The following GRM1 variants were observed in gnomAD, a reference collection of about 807,000 sequenced individuals.
GRM1 encodes metabotropic glutamate receptor 1.
A neutral mutation model predicts 90.9 loss-of-function variants in GRM1; 33 were observed. The observed-to-expected ratio is 0.36, with a 90% CI of 0.28 to 0.49. The LOEUF (loss-of-function observed/expected upper bound fraction) is 0.49, where lower values mean the gene tolerates loss of function less well. Among genes scored for constraint, GRM1 ranks in the 20% least tolerant of loss-of-function variants. The pLI is 0.99. For synonymous variants in GRM1, 700 were observed against 613.2 expected, an observed-to-expected ratio of 1.14 and a Z score of -2.09; for missense variants, 1,190 against 1,534.3, an observed-to-expected ratio of 0.78 and a Z score of 3.75.
intron 2 of GRM1, among the ~76,000 whole-genome samples, chr6:146,188,950 A>G (rs564861344): frequency 6.6e-6 from 1 of 152,320 alleles, no homozygotes; most frequent in East Asian, 1.9e-4. Flanking sequence ...TGTTGAAAAC[A>G]TAGTCTATGC....
intron 2 of GRM1, among the ~76,000 whole-genome samples, chr6:146,199,033 A>G (rs1779214140): frequency 6.6e-6 from 1 of 152,140 alleles, no homozygotes; most frequent in Admixed American, 6.5e-5. Flanking sequence ...TCGGGGCCCT[A>G]TTATCCTCAT....
chr6:146,155,504 G>A (rs1406955777), intron 1 of GRM1, among the ~76,000 whole-genome samples: 1 of 152,150 alleles, frequency 6.6e-6, no homozygotes, highest in Non-Finnish European at 1.5e-5. Flanking sequence ...ACATATCCCT[G>A]TGGTAAAGTG....
intron 2 of GRM1, among the ~76,000 whole-genome samples, chr6:146,235,964 T>G (rs1780633611): frequency 6.6e-6 from 1 of 152,142 alleles, no homozygotes; most frequent in Non-Finnish European, 1.5e-5. Context: ...TGCCTTATAC[T>G]TTTTGTTGAA....
At chr6:146,060,626 A>G (rs558613082) in intron 1 of GRM1, among the ~76,000 whole-genome samples, 3 of 152,304 alleles carry the variant, frequency 2.0e-5, no homozygotes, top group South Asian at 4.1e-4. Context: ...TATATGTAAC[A>G]CATTGTCTTT....
intron 3 of GRM1, among the ~76,000 whole-genome samples, chr6:146,346,816 A>G (rs943850187): frequency 6.6e-6 from 1 of 152,234 alleles, no homozygotes. Context: ...TTGAGATTGT[A>G]TCAAATTAGG....
chr6:146,139,076 A>G (rs1255218360), intron 1 of GRM1, among the ~76,000 whole-genome samples: 2 of 151,766 alleles, frequency 1.3e-5, no homozygotes, highest in Admixed American at 6.6e-5. Context: ...TAATTTCTTT[A>G]TTGACCCACC....
chr6:146,320,276 G>A (rs1039878506), intron 3 of GRM1, among the ~76,000 whole-genome samples: 7 of 152,278 alleles, frequency 4.6e-5, no homozygotes, highest in African/African-American at 9.6e-5. Flanking sequence ...TTATTGATTT[G>A]TGTATGTTGA....
chr6:146,335,025 T>C (rs906334082), intron 3 of GRM1, among the ~76,000 whole-genome samples: 1 of 152,214 alleles, frequency 6.6e-6, no homozygotes, highest in African/African-American at 2.4e-5. Flanking sequence ...TATGGGGGTT[T>C]TGCTTTTAAA....
intron 2 of GRM1, among the ~76,000 whole-genome samples, chr6:146,267,481 A>G (rs1428401270): frequency 6.6e-6 from 1 of 152,180 alleles, no homozygotes; most frequent in Non-Finnish European, 1.5e-5. Flanking sequence ...ATTAACATAC[A>G]CGATCACAAG....
chr6:146,059,847 C>G (rs1351141520), intron 1 of GRM1, among the ~76,000 whole-genome samples: 1 of 152,148 alleles, frequency 6.6e-6, no homozygotes, highest in Non-Finnish European at 1.5e-5. Context: ...TAGCTTCAAA[C>G]TTTTCTGCAG....
At chr6:146,277,032 A>G (rs1000629433) in intron 2 of GRM1, among the ~76,000 whole-genome samples, 5 of 152,094 alleles carry the variant, frequency 3.3e-5, no homozygotes, top group Non-Finnish European at 7.4e-5. Flanking sequence ...AGCCAAGGAG[A>G]TTGAGGCTGC....
intron 1 of GRM1, among the ~76,000 whole-genome samples, chr6:146,069,524 T>C (rs954569496): frequency 6.6e-6 from 1 of 152,186 alleles, no homozygotes; most frequent in African/African-American, 2.4e-5. Flanking sequence ...TTTGTAATTG[T>C]TAACATATTA....
chr6:146,122,390 C>T (rs540284252), intron 1 of GRM1, among the ~76,000 whole-genome samples: 15 of 152,044 alleles, frequency 9.9e-5, no homozygotes, highest in Non-Finnish European at 2.1e-4. Context: ...ATTTGCCCCA[C>T]CCCCACTGCA....
At chr6:146,288,915 T>C (rs752497231) in intron 2 of GRM1, among the ~76,000 whole-genome samples, 7 of 152,188 alleles carry the variant, frequency 4.6e-5, no homozygotes, top group Non-Finnish European at 1.0e-4. Flanking sequence ...CATAATGTCT[T>C]AGTACAATGC....
Position 146,431,212 on chromosome 6 carries a change from A to C in GRM1, c.2661-2660A>C, listed in dbSNP as rs143239714. Among the ~76,000 whole-genome samples the C allele has an allele frequency of 6.6e-4, 101 of 152,350 alleles. 1 individual carries two copies. The highest frequency in any genetic ancestry group is 2.3e-3 in the African/African-American group (95 of 41,590). The stretch of plus-strand genomic sequence containing the variant: ...TGTTTCCTAATTAAAAGTACTTTAC[A>C]GCAAATCTAGAGCAAGACTGAGGGG... On this transcript the variant is annotated intron_variant, in intron 7 of 7. Coordinates refer to ENST00000282753, the MANE Select transcript of GRM1 (RefSeq NM_001278064.2).
rs1778547754 is a variant in GRM1, at chr6:146,434,913, A to G, written c.*117A>G. 1 of 872,386 alleles carries G rather than the reference A, an allele frequency of 1.1e-6. No individual in the cohort carries two copies. Among genetic ancestry groups the G allele is most frequent in the African/African-American group, 1.7e-5 (1 of 60,540 alleles). 54.0% of individuals were successfully genotyped at this position (872,386 alleles called of 1,614,324 possible). ...TGGGGGGCCTCGTCGGGAGGACAGG[A>G]GACCGCTGCTGCTGCTGCCGCTACT... On this transcript the variant is annotated 3_prime_UTR_variant, in exon 8 of 8. Transcript: ENST00000282753.
At chr6:146,113,847 G>T (rs1026190943) in intron 1 of GRM1, among the ~76,000 whole-genome samples, 2 of 152,118 alleles carry the variant, frequency 1.3e-5, no homozygotes, top group African/African-American at 4.8e-5. Context: ...AAGAATGGGG[G>T]TGAGTTCATG....
In GRM1 at chr6:146,434,341, G is replaced by A. The variant is rs1347532771; in HGVS notation, c.3130G>A (p.Ala1044Thr). The change falls in exon 8 of 8, where the codon GCG (alanine) becomes ACG (threonine). Residue 1044 changes from alanine to threonine, a missense_variant. By Grantham distance (58) the Ala-to-Thr change is moderately conservative. This residue lies in a region of GRM1 where 400 missense variants were observed against 360.8 expected (regional missense o/e 1.11). Transcript: ENST00000282753. ...LQGVVSNFSTAIPDFHAVLAG... is the reference protein window; with the variant it reads ...LQGVVSNFSTTIPDFHAVLAG... Reference sequence around the variant, plus strand: ...GGGAGTGGTCAGCAACTTCAGTACCGCGATCCCGGATTTTCACGCGGTGCT... The same window carrying A: ...GGGAGTGGTCAGCAACTTCAGTACCACGATCCCGGATTTTCACGCGGTGCT... 6.2e-7 allele frequency: 1 copy of A among 1,612,420 alleles called. No individual in the cohort carries two copies. Among genetic ancestry groups the A allele is most frequent in the South Asian group, 1.1e-5 (1 of 90,994 alleles).
intron 1 of GRM1, among the ~76,000 whole-genome samples, chr6:146,109,153 T>A (rs892524064): frequency 6.6e-6 from 1 of 152,236 alleles, no homozygotes; most frequent in African/African-American, 2.4e-5. Context: ...GAGCCAAATG[T>A]TAACCCCCAA....
Sources: allele counts gnomAD v4.1 joint callset (sites outside exome capture counted in the v4.1 genomes callset), GRCh38; gene constraint gnomAD v4.1.1; regional missense constraint gnomAD v4.1.1; transcripts MANE v1.5; gene names NCBI Gene and HGNC (gene_info 2026-07-23, HGNC 2026-07-21).